The following MCC variants were observed in gnomAD, a reference collection of about 807,000 sequenced individuals.
MCC encodes MCC regulator of Wnt signaling pathway, also known as colorectal mutant cancer protein.
MCC carries 90 observed loss-of-function variants against 116.2 expected under a neutral mutation model. The ratio of observed to expected loss-of-function variants is 0.77; its 90% CI spans 0.65 to 0.92. MCC has a LOEUF of 0.92. MCC is among the 40% of genes least tolerant of loss of function. The probability of loss-of-function intolerance (pLI) is 0.00; values close to 1 mark genes in which losing one functional copy is unlikely to be tolerated. For missense variants in MCC, 1,516 were observed against 1,312.2 expected, an observed-to-expected ratio of 1.16 and a Z score of -2.40; for synonymous variants, 578 against 510.5, an observed-to-expected ratio of 1.13 and a Z score of -1.78.
chr5:113,211,232 C>T (rs1763124128), intron 3 of MCC, among the ~76,000 whole-genome samples: 1 of 152,160 alleles, frequency 6.6e-6, no homozygotes, highest in South Asian at 2.1e-4. Context: ...TGTGAGGACA[C>T]AGTGAGAAGG....
At chr5:113,162,422 A>AG (rs1326292370) in intron 3 of MCC, among the ~76,000 whole-genome samples, 1 of 152,214 alleles carries the variant, frequency 6.6e-6, no homozygotes, top group Non-Finnish European at 1.5e-5. Context: ...TGAGAAGATT[A>AG]GATGAAATAT....
At chr5:113,108,331 T>TAAAA (rs56780207) in intron 6 of MCC, among the ~76,000 whole-genome samples, 19 of 42,764 alleles carry the variant, frequency 4.4e-4, no homozygotes, top group African/African-American at 1.2e-3. Flanking sequence ...CACTCTATCT[T>TAAAA]AAAAAAAAAA....
chr5:113,291,413 G>A (rs186627875), intron 3 of MCC, among the ~76,000 whole-genome samples: 1 of 152,342 alleles, frequency 6.6e-6, no homozygotes, highest in Non-Finnish European at 1.5e-5. Context: ...TACAGAGTCA[G>A]TGTCAACATT....
rs747368107 is a variant in MCC at position 113,434,571 on chromosome 5, A to G, written c.171-49359T>C. On this transcript the variant is annotated intron_variant, in intron 1 of 18. Coordinates refer to ENST00000408903, the MANE Select transcript of MCC (RefSeq NM_001085377.2). This position sits in a 1 kb window ranked among gnomAD's most constrained non-coding sequence, Gnocchi z 4.2. ...GAGGTCGCCCTGGACCGCGAGCTCCATGACGATGTAGACCTTGCCATGTGA... is the reference window on the plus strand; with the variant it reads ...GAGGTCGCCCTGGACCGCGAGCTCCGTGACGATGTAGACCTTGCCATGTGA... 47 of 1,613,562 alleles carry G rather than the reference A, an allele frequency of 2.9e-5. No individual in the cohort carries two copies. The East Asian group carries it at 8.2e-4, about 28-fold the overall frequency.
At chr5:113,459,290 T>G (rs1017349393) in intron 1 of MCC, among the ~76,000 whole-genome samples, 3 of 151,542 alleles carry the variant, frequency 2.0e-5, no homozygotes, top group Admixed American at 6.6e-5. Flanking sequence ...TCCCAGCACT[T>G]TGGGAGGGAG....
intron 1 of MCC, among the ~76,000 whole-genome samples, chr5:113,416,904 C>T (rs767592951): frequency 2.0e-5 from 3 of 149,536 alleles, no homozygotes; most frequent in Non-Finnish European, 4.4e-5. Context: ...CAAAATTGGT[C>T]AATAATTTTA....
chr5:113,160,972 G>C (rs537738504), intron 3 of MCC, among the ~76,000 whole-genome samples: 1 of 152,110 alleles, frequency 6.6e-6, no homozygotes, highest in South Asian at 2.1e-4. Context: ...CAACTGATGT[G>C]ATCTTTAAAA....
chr5:113,052,829 C>T (rs538653090), intron 15 of MCC, among the ~76,000 whole-genome samples: 4 of 152,276 alleles, frequency 2.6e-5, no homozygotes, highest in Admixed American at 6.5e-5. Context: ...CTCCAACACA[C>T]GCCTGGTCCT....
intron 3 of MCC, 149 bp from the exon 4 acceptor site, chr5:113,151,571 G>A: frequency 3.4e-6 from 2 of 596,264 alleles, no homozygotes; most frequent in South Asian, 2.2e-5. Flanking sequence ...GAGTTTTGGG[G>A]ACAACAGGCA....
chr5:113,039,137 T>C (rs59265685), intron 17 of MCC, among the ~76,000 whole-genome samples: 39,246 of 152,158 alleles, frequency 0.26, 5,134 homozygotes, highest in Middle Eastern at 0.29. Context: ...TCAGGTGATG[T>C]ATCATGGTGA....
intron 5 of MCC, among the ~76,000 whole-genome samples, chr5:113,136,493 G>A (rs1758835788): frequency 6.6e-6 from 1 of 152,034 alleles, no homozygotes; most frequent in Non-Finnish European, 1.5e-5. Flanking sequence ...TTTAGGAGCT[G>A]CTGTAAGAAT....
chr5:113,056,002 T>C (rs888648550), intron 14 of MCC, among the ~76,000 whole-genome samples: 1 of 152,240 alleles, frequency 6.6e-6, no homozygotes, highest in Non-Finnish European at 1.5e-5. Flanking sequence ...CCAGCTCCAT[T>C]ATCAAATGGG....
At chr5:113,090,700 C>G (rs768193947) in intron 8 of MCC, among the ~76,000 whole-genome samples, 39 of 152,134 alleles carry the variant, frequency 2.6e-4, no homozygotes, top group Non-Finnish European at 4.6e-4. Context: ...GCAGGAAGGA[C>G]AAGAATGAGA....
chr5:113,242,918 G>C (rs1581306097), intron 3 of MCC, among the ~76,000 whole-genome samples: 1 of 152,304 alleles, frequency 6.6e-6, no homozygotes, highest in East Asian at 1.9e-4. Flanking sequence ...AGCCAGTGGT[G>C]GTGAGAGTTT....
intron 17 of MCC, among the ~76,000 whole-genome samples, chr5:113,041,487 G>T (rs1751700805): frequency 6.6e-6 from 1 of 152,192 alleles, no homozygotes; most frequent in South Asian, 2.1e-4. Context: ...GCAAAAGGAA[G>T]AAGGGGATTC....
intron 2 of MCC, among the ~76,000 whole-genome samples, chr5:113,368,846 C>G (rs137974103): frequency 1.4e-3 from 207 of 152,278 alleles, no homozygotes; most frequent in African/African-American, 4.7e-3. Context: ...CCCTGCCACC[C>G]TGCCTTAGAT....
At chr5:113,469,463 G>A (rs1222691689) in intron 1 of MCC, among the ~76,000 whole-genome samples, 1 of 152,124 alleles carries the variant, frequency 6.6e-6, no homozygotes, top group Admixed American at 6.5e-5. Flanking sequence ...TCAGGAGCAG[G>A]TTGTTCAGTT....
chr5:113,483,127 AT>A (rs1192928233), intron 1 of MCC, among the ~76,000 whole-genome samples: 1 of 152,118 alleles, frequency 6.6e-6, no homozygotes, highest in Non-Finnish European at 1.5e-5. Flanking sequence ...CCATTGACCT[AT>A]TTGTGTATCG....
intron 8 of MCC, among the ~76,000 whole-genome samples, chr5:113,087,679 A>G (rs1054471363): frequency 1.3e-5 from 2 of 152,160 alleles, no homozygotes; most frequent in African/African-American, 4.8e-5. Flanking sequence ...ATAATTAACA[A>G]TGTTAACACC....
Sources: gnomAD v4.1 joint callset for allele counts (sites outside exome capture counted in the v4.1 genomes callset) on GRCh38, gnomAD v4.1.1 for gene constraint, Gnocchi (gnomAD v3.1) non-coding constraint, MANE v1.5 for transcripts, NCBI Gene and HGNC (gene_info 2026-07-23, HGNC 2026-07-21) for gene names.